METTL15: variants seen among roughly 807,000 people sequenced by gnomAD.
METTL15 encodes 12S rRNA N(4)-cytidine methyltransferase METTL15.
METTL15 carries 34 observed loss-of-function variants against 38.3 expected under a neutral mutation model. The observed-to-expected ratio is 0.89, with a 90% CI of 0.68 to 1.18. The LOEUF (loss-of-function observed/expected upper bound fraction) is 1.18, where lower values mean the gene tolerates loss of function less well. Among genes scored for constraint, METTL15 ranks in the 50% most tolerant of loss-of-function variants. The pLI, the probability that METTL15 is intolerant of heterozygous loss-of-function variation, is 0.00. For missense variants in METTL15, 438 were observed against 498.4 expected, an observed-to-expected ratio of 0.88 and a Z score of 1.15; for synonymous variants, 162 against 170.9, an observed-to-expected ratio of 0.95 and a Z score of 0.41.
chr11:28,187,493 C>G (rs1275880985), intron 3 of METTL15, among the ~76,000 whole-genome samples: 2 of 146,854 alleles, frequency 1.4e-5, no homozygotes, highest in Non-Finnish European at 3.0e-5. Flanking sequence ...TGGACAGTAC[C>G]TGGTACATAA....
intron 6 of METTL15, among the ~76,000 whole-genome samples, chr11:28,468,148 C>T (rs1156472432): frequency 6.6e-6 from 1 of 152,180 alleles, no homozygotes; most frequent in East Asian, 1.9e-4. Flanking sequence ...TCCAGTCCTG[C>T]CCCGGACTCT....
chr11:28,468,408 C>T (rs1165583822), intron 6 of METTL15, among the ~76,000 whole-genome samples: 3 of 152,102 alleles, frequency 2.0e-5, no homozygotes, highest in African/African-American at 7.2e-5. Context: ...CCCAGAGAAG[C>T]TACAAGCATG....
At chr11:28,408,914 C>T (rs1850699970) in intron 5 of METTL15, among the ~76,000 whole-genome samples, 1 of 152,028 alleles carries the variant, frequency 6.6e-6, no homozygotes, top group Non-Finnish European at 1.5e-5. Context: ...TCAACAATAA[C>T]ACAAAATTAA....
intron 5 of METTL15, among the ~76,000 whole-genome samples, chr11:28,365,811 G>C (rs1453631931): frequency 6.6e-6 from 1 of 152,172 alleles, no homozygotes; most frequent in East Asian, 1.9e-4. Context: ...CAGCACTTTG[G>C]GAGGCTGAGG....
intron 5 of METTL15, among the ~76,000 whole-genome samples, chr11:28,370,931 C>A (rs1472926229): frequency 1.3e-5 from 2 of 151,928 alleles, no homozygotes; most frequent in Non-Finnish European, 2.9e-5. Flanking sequence ...TGTTTGAGCT[C>A]CTTATGTATT....
At chr11:28,473,025 G>C (rs1453080692) in intron 6 of METTL15, among the ~76,000 whole-genome samples, 2 of 152,110 alleles carry the variant, frequency 1.3e-5, no homozygotes, top group African/African-American at 4.8e-5. Context: ...GGAATAAATG[G>C]ATAAAGGAGG....
intron 3 of METTL15, among the ~76,000 whole-genome samples, chr11:28,125,025 C>G (rs1852414405): frequency 6.6e-6 from 1 of 152,024 alleles, no homozygotes; most frequent in Non-Finnish European, 1.5e-5. Flanking sequence ...AGTAACTTCT[C>G]TTGCTAGGGC....
At chr11:28,362,880 T>TA (rs1850152228) in intron 5 of METTL15, among the ~76,000 whole-genome samples, 1 of 152,334 alleles carries the variant, frequency 6.6e-6, no homozygotes, top group Admixed American at 6.5e-5. Context: ...TTGAAGCATA[T>TA]ATGCCCACAA....
intron 4 of METTL15, among the ~76,000 whole-genome samples, chr11:28,221,651 T>G (rs1565179651): frequency 1.3e-5 from 2 of 152,216 alleles, no homozygotes; most frequent in South Asian, 4.1e-4. Flanking sequence ...ATTTCCAGTT[T>G]TTCTGCTCTG....
intron 6 of METTL15, among the ~76,000 whole-genome samples, chr11:28,479,772 G>A (rs1851380230): frequency 6.6e-6 from 1 of 152,072 alleles, no homozygotes; most frequent in African/African-American, 2.4e-5. Context: ...AAAAGTGTGT[G>A]TATATTTGGA....
At position 28,282,144 on chromosome 11, in the gene METTL15, A is replaced by G. The variant is rs768575063; in HGVS notation, c.408-8062A>G. On this transcript the variant is annotated intron_variant, in intron 4 of 6. Transcript: ENST00000407364. The stretch of plus-strand genomic sequence containing the variant: ...TATATACACATTATCTTCTTACAGA[A>G]CCCTTACTGCTAACATGCTACTCTC... Among the ~76,000 whole-genome samples, 5 of 152,156 alleles carry G rather than the reference A, an allele frequency of 3.3e-5. No individual in the cohort carries two copies. In the South Asian group the frequency reaches 8.3e-4, roughly 25 times the overall value.
intron 4 of METTL15, among the ~76,000 whole-genome samples, chr11:28,358,282 G>A (rs561362738): frequency 8.9e-4 from 136 of 152,250 alleles, no homozygotes; most frequent in Non-Finnish European, 1.6e-3. Flanking sequence ...TACCCCTGTG[G>A]TACCCTAAGT....
intron 5 of METTL15, among the ~76,000 whole-genome samples, chr11:28,398,585 A>G (rs1850598621): frequency 6.6e-6 from 1 of 152,088 alleles, no homozygotes; most frequent in Non-Finnish European, 1.5e-5. Flanking sequence ...CCCTTGTCAG[A>G]TGGATAGATT....
chr11:28,119,573 A>C (rs1852122669), intron 3 of METTL15, among the ~76,000 whole-genome samples: 1 of 152,232 alleles, frequency 6.6e-6, no homozygotes, highest in Non-Finnish European at 1.5e-5. Flanking sequence ...AAATAGTTTA[A>C]ATTTGCTAGG....
chr11:28,326,053 C>G (rs1849624870), intron 6 of METTL15, among the ~76,000 whole-genome samples: 1 of 152,138 alleles, frequency 6.6e-6, no homozygotes, highest in Admixed American at 6.6e-5. Flanking sequence ...CTACTCTATT[C>G]CTTAATCAAA....
intron 3 of METTL15, among the ~76,000 whole-genome samples, chr11:28,169,423 T>A (rs940537136): frequency 6.6e-6 from 1 of 152,098 alleles, no homozygotes. Flanking sequence ...TCTATAATAT[T>A]TTTAAAATTA....
At chr11:28,479,649 A>T (rs1359083895) in intron 6 of METTL15, among the ~76,000 whole-genome samples, 1 of 152,174 alleles carries the variant, frequency 6.6e-6, no homozygotes, top group African/African-American at 2.4e-5. Flanking sequence ...GTGATAAATG[A>T]TATGGCCTTT....
chr11:28,324,223 A>G (rs1397169559), intron 6 of METTL15, among the ~76,000 whole-genome samples: 2 of 152,260 alleles, frequency 1.3e-5, no homozygotes, highest in Non-Finnish European at 2.9e-5. Flanking sequence ...AAAAGTTTAC[A>G]TGAAATCTTA....
At chr11:28,139,304 A>AC (rs1290688399) in intron 3 of METTL15, among the ~76,000 whole-genome samples, 2 of 152,154 alleles carry the variant, frequency 1.3e-5, no homozygotes, top group African/African-American at 4.8e-5. Flanking sequence ...TGAGAGAAAT[A>AC]CAGACTGAAG....
Sources: gnomAD v4.1 joint callset for allele counts (sites outside exome capture counted in the v4.1 genomes callset) on GRCh38, gnomAD v4.1.1 for gene constraint, MANE v1.5 for transcripts, NCBI Gene and HGNC (gene_info 2026-07-23, HGNC 2026-07-21) for gene names.